The following MTCL1 variants were observed in gnomAD, a reference collection of about 807,000 sequenced individuals.
MTCL1 encodes microtubule crosslinking factor 1, also known as microtubule cross-linking factor 1.
In MTCL1, 79 loss-of-function variants were observed where a neutral mutation model predicts 141.4. That is an observed-to-expected ratio of 0.56 (90% CI 0.47 to 0.67). The LOEUF (loss-of-function observed/expected upper bound fraction) is 0.67. MTCL1 is among the 30% of genes least tolerant of loss of function. The pLI, the probability that MTCL1 is intolerant of heterozygous loss-of-function variation, is 0.00. For missense variants in MTCL1, 2,177 were observed against 2,113.9 expected (o/e 1.03, Z -0.59); for synonymous variants, 914 against 875.8 (o/e 1.04, Z -0.77).
chr18:8,747,219 C>T (rs996679076), intron 4 of MTCL1, among the ~76,000 whole-genome samples: 2 of 152,200 alleles, frequency 1.3e-5, no homozygotes, highest in Non-Finnish European at 2.9e-5. Context: ...ACCCACTGAA[C>T]GGCTTCAGAA....
intron 4 of MTCL1, among the ~76,000 whole-genome samples, chr18:8,741,568 A>G (rs2096303412): frequency 1.3e-5 from 2 of 152,248 alleles, no homozygotes; most frequent in African/African-American, 4.8e-5. Flanking sequence ...TAAAAAGGAT[A>G]TAACAGCTAA....
At chr18:8,824,749 C>A (rs1357865462) in exon 15 of MTCL1, 30 of 1,613,946 alleles carry the variant, frequency 1.9e-5, no homozygotes, top group Middle Eastern at 1.6e-4. Context: ...ATGGACATCT[C>A]CCCCTTCCTG....
chr18:8,767,252 C>A (rs1219782522), intron 4 of MTCL1, among the ~76,000 whole-genome samples: 1 of 152,232 alleles, frequency 6.6e-6, no homozygotes, highest in African/African-American at 2.4e-5. Flanking sequence ...TGAAGATTTG[C>A]CCAAGGGGCA....
At chr18:8,780,685 C>T (rs1347946898) in intron 5 of MTCL1, among the ~76,000 whole-genome samples, 1 of 152,210 alleles carries the variant, frequency 6.6e-6, no homozygotes, top group African/African-American at 2.4e-5. Flanking sequence ...AGCTTAAACT[C>T]CATTCCTTCA....
At chr18:8,726,472 GGAGAGAGA>G (rs374393768) in intron 4 of MTCL1, among the ~76,000 whole-genome samples, 4 of 131,594 alleles carry the variant, frequency 3.0e-5, no homozygotes, top group Non-Finnish European at 4.8e-5. Flanking sequence ...GAGAATAAGA[GGAGAGAGA>G]GAGAGAGAGA....
At chr18:8,799,218 G>A (rs889313509) in intron 10 of MTCL1, among the ~76,000 whole-genome samples, 2 of 152,176 alleles carry the variant, frequency 1.3e-5, no homozygotes, top group East Asian at 1.9e-4. Context: ...CCAGGCTCCC[G>A]AAGCCCAGAG....
chr18:8,772,317 C>T (rs775286), intron 4 of MTCL1, among the ~76,000 whole-genome samples: 55,389 of 152,068 alleles, frequency 0.36, 11,764 homozygotes, highest in African/African-American at 0.58. Context: ...CCCAAGAAAT[C>T]GGTGAATAAC....
intron 4 of MTCL1, among the ~76,000 whole-genome samples, chr18:8,742,822 A>C (rs76736779): frequency 3.0e-4 from 45 of 152,222 alleles, no homozygotes; most frequent in African/African-American, 1.1e-3. Context: ...TGGTTTATAC[A>C]GTTTTCCCTT....
chr18:8,712,030 A>G (rs1349669260), intron 1 of MTCL1, among the ~76,000 whole-genome samples: 1 of 152,120 alleles, frequency 6.6e-6, no homozygotes, highest in Non-Finnish European at 1.5e-5. Flanking sequence ...ATCAGTTGGC[A>G]TTTATGAGCC....
upstream of MTCL1, among the ~76,000 whole-genome samples, chr18:8,716,708 C>T (rs78846351): frequency 5.1e-3 from 772 of 151,012 alleles, 9 homozygotes; most frequent in African/African-American, 0.017. Context: ...AATAGCAGGA[C>T]GAGAATGGAC....
At chr18:8,717,122 TCCA>T (rs2096133675), upstream of MTCL1, among the ~76,000 whole-genome samples, 1 of 145,302 alleles carries the variant, frequency 6.9e-6, no homozygotes, top group Non-Finnish European at 1.6e-5. Flanking sequence ...TACCGTGTGC[TCCA>T]TGCTGCTCGG....
At chr18:8,796,130 G>T in intron 8 of MTCL1, 102 bp from the exon 8 acceptor site, 3 of 1,143,194 alleles carry the variant, frequency 2.6e-6, no homozygotes, top group Non-Finnish European at 3.9e-6. Flanking sequence ...CTCATATGCA[G>T]CATGACAGAG....
chr18:8,752,530 A>G (rs1015304495), intron 4 of MTCL1, among the ~76,000 whole-genome samples: 1 of 152,208 alleles, frequency 6.6e-6, no homozygotes, highest in Non-Finnish European at 1.5e-5. Flanking sequence ...GTGGCATAGC[A>G]AGTTAAAGAG....
intron 11 of MTCL1, among the ~76,000 whole-genome samples, chr18:8,812,476 C>G (rs1181839308): frequency 6.6e-6 from 1 of 152,172 alleles, no homozygotes; most frequent in Non-Finnish European, 1.5e-5. Context: ...GTCTTTGTGC[C>G]TCTATGACAT....
At chr18:8,755,058 C>T (rs183572525) in intron 4 of MTCL1, among the ~76,000 whole-genome samples, 21 of 152,274 alleles carry the variant, frequency 1.4e-4, no homozygotes, top group African/African-American at 4.3e-4. Flanking sequence ...GCTATGTTAG[C>T]GACACAGCAC....
At chr18:8,789,900 A>G (rs1568042800) in intron 7 of MTCL1, among the ~76,000 whole-genome samples, 1 of 152,208 alleles carries the variant, frequency 6.6e-6, no homozygotes, top group Non-Finnish European at 1.5e-5. Context: ...CTTTTGCCAT[A>G]GCACGTTTTG....
At chr18:8,813,963 G>A (rs2076571365) in intron 12 of MTCL1, among the ~76,000 whole-genome samples, 1 of 152,158 alleles carries the variant, frequency 6.6e-6, no homozygotes, top group African/African-American at 2.4e-5. Flanking sequence ...ATTCTTCCCT[G>A]GCTGGATTTT....
At chr18:8,711,957 G>C (rs1018292021) in intron 1 of MTCL1, among the ~76,000 whole-genome samples, 1 of 152,160 alleles carries the variant, frequency 6.6e-6, no homozygotes, top group African/African-American at 2.4e-5. Flanking sequence ...AGACAAGCCG[G>C]AGTGCTCGTT....
At chr18:8,760,457 C>T (rs551457476) in intron 4 of MTCL1, among the ~76,000 whole-genome samples, 202 of 152,226 alleles carry the variant, frequency 1.3e-3, no homozygotes, top group Non-Finnish European at 1.6e-3. Flanking sequence ...TTCTCTAGGG[C>T]AGTGCCTTGA....
Sources: allele counts gnomAD v4.1 joint callset (sites outside exome capture counted in the v4.1 genomes callset), GRCh38; gene constraint gnomAD v4.1.1; transcripts MANE v1.5; gene names NCBI Gene and HGNC (gene_info 2026-07-23, HGNC 2026-07-21).